Variants in TNRC6B observed in about 807,000 individuals in gnomAD.
TNRC6B encodes the protein trinucleotide repeat-containing gene 6B protein.
Under a neutral mutation model 203.6 loss-of-function variants are expected in TNRC6B, and 52 were observed. That is an observed-to-expected ratio of 0.26 (90% CI 0.20 to 0.32). TNRC6B has a LOEUF of 0.32. TNRC6B is among the 10% of genes least tolerant of loss of function. The pLI is 1.00. For synonymous variants in TNRC6B, 838 were observed against 845.7 expected (o/e 0.99, Z 0.16); for missense variants, 1,923 against 2,286.2 (o/e 0.84, Z 3.24).
chr22:40,204,330 T>C (rs1438594383), intron 1 of TNRC6B, among the ~76,000 whole-genome samples: 1 of 152,214 alleles, frequency 6.6e-6, no homozygotes, highest in Non-Finnish European at 1.5e-5. Flanking sequence ...TCACGGACCA[T>C]TGGGATAAAC....
intron 1 of TNRC6B, among the ~76,000 whole-genome samples, chr22:40,096,685 A>G (rs1668112165): frequency 6.6e-6 from 1 of 152,230 alleles, no homozygotes; most frequent in Admixed American, 6.5e-5. Flanking sequence ...GTTACATACT[A>G]TGCCAGATAT....
chr22:40,279,539 T>C (rs1244800291), intron 9 of TNRC6B, among the ~76,000 whole-genome samples: 2 of 152,232 alleles, frequency 1.3e-5, no homozygotes, highest in Non-Finnish European at 2.9e-5. Flanking sequence ...CTCTTTGATC[T>C]TTTTATTCCT....
rs2044014490 is a variant in TNRC6B at position 40,334,619 on chromosome 22, C to T, written c.*11378C>T. ...GAGATATAAATGCTGCTTTGGGTTC[C>T]ATAATCCTAGGGGGCTATGTTTACA... is the stretch of plus-strand genomic sequence containing the variant. On this transcript the variant is annotated 3_prime_UTR_variant, in exon 23 of 23. Coordinates refer to ENST00000454349, the MANE Select transcript of TNRC6B (RefSeq NM_001162501.2). 6.6e-6 allele frequency: 1 copy of T among 152,556 alleles called. No individual in the cohort carries two copies. Among genetic ancestry groups the T allele is most frequent in the Non-Finnish European group, 1.5e-5 (1 of 68,030 alleles). 9.5% of individuals were successfully genotyped at this position (152,556 alleles called of 1,614,324 possible).
intron 1 of TNRC6B, among the ~76,000 whole-genome samples, chr22:40,202,744 G>A (rs2069430350): frequency 6.6e-6 from 1 of 152,080 alleles, no homozygotes; most frequent in African/African-American, 2.4e-5. Context: ...TCGAGTGCCT[G>A]CTGGAAGAGG....
chr22:40,140,721 A>G (rs1312057043), intron 3 of TNRC6B, among the ~76,000 whole-genome samples: 1 of 151,712 alleles, frequency 6.6e-6, no homozygotes, highest in Admixed American at 6.6e-5. Context: ...GCTCACTGCA[A>G]CCTCTGTCTC....
At chr22:40,312,699 T>C (rs1384749423) in intron 18 of TNRC6B, 48 bp downstream of exon 18, 1 of 1,572,596 alleles carries the variant, frequency 6.4e-7, no homozygotes, top group Non-Finnish European at 8.6e-7. Context: ...AGCATTTTCA[T>C]AGTTGTCAGT....
intron 1 of TNRC6B, among the ~76,000 whole-genome samples, chr22:40,199,732 C>T (rs181101755): frequency 9.1e-4 from 139 of 152,106 alleles, no homozygotes; most frequent in Non-Finnish European, 5.6e-4. Flanking sequence ...AATGTATCAG[C>T]GTTAATGTTC....
rs906668252 is a variant in TNRC6B at position 40,270,105 on chromosome 22, A to G, written c.2807-17A>G. ...CATTTAACAAATGATTCTTAGAGAC[A>G]TTTCCTTTCTTTATAGTCTGGAGCA... On this transcript the variant is annotated splice_polypyrimidine_tract_variant and intron_variant, in intron 5 of 22. Coordinates refer to ENST00000454349, the MANE Select transcript of TNRC6B (RefSeq NM_001162501.2). The G allele has an allele frequency of 7.0e-6, 11 of 1,573,736 alleles. No homozygotes were observed. Among genetic ancestry groups the G allele is most frequent in the African/African-American group, 2.7e-5 (2 of 74,004 alleles).
upstream of TNRC6B, among the ~76,000 whole-genome samples, chr22:40,176,611 A>G (rs573369714): frequency 3.3e-5 from 5 of 152,202 alleles, no homozygotes; most frequent in African/African-American, 9.6e-5. Context: ...TTATTCATTT[A>G]TTTACCTCCT....
At chr22:40,099,563 A>G (rs79210904) in intron 1 of TNRC6B, among the ~76,000 whole-genome samples, 1,910 of 152,264 alleles carry the variant, frequency 0.013, 46 homozygotes, top group African/African-American at 0.043. Flanking sequence ...TTGAACACAT[A>G]TAGACTATTT....
At chr22:40,139,563 A>C (rs1401864414) in intron 3 of TNRC6B, among the ~76,000 whole-genome samples, 2 of 151,960 alleles carry the variant, frequency 1.3e-5, no homozygotes, top group Non-Finnish European at 2.9e-5. Context: ...AACTCCTGAC[A>C]TCAGGTGATC....
chr22:40,285,181 G>A (rs1215091424), intron 11 of TNRC6B, among the ~76,000 whole-genome samples: 1 of 152,124 alleles, frequency 6.6e-6, no homozygotes, highest in African/African-American at 2.4e-5. Context: ...AGGGTGCTAG[G>A]CTCACTCTTG....
Position 40,326,619 on chromosome 22 carries a change from C to T in TNRC6B, c.*3378C>T, listed in dbSNP as rs190843530. The T allele has an allele frequency of 1.3e-5, 2 of 152,446 alleles. No homozygotes were observed. Among genetic ancestry groups the T allele is most frequent in the Admixed American group, 1.3e-4 (2 of 15,282 alleles). 9.4% of individuals were successfully genotyped at this position (152,446 alleles called of 1,614,324 possible). A position where few individuals can be genotyped will look rare whatever the true frequency, so the allele number is the denominator to read the frequency against. The stretch of plus-strand genomic sequence containing the variant: ...TTTATTTTTTTAAAGGAACCCTTCT[C>T]CTTGTCCCCACAACCCCAGCAACAA... On this transcript the variant is annotated 3_prime_UTR_variant, in exon 23 of 23. Coordinates refer to ENST00000454349, the MANE Select transcript of TNRC6B (RefSeq NM_001162501.2).
chr22:40,088,691 G>T (rs1349952231), intron 1 of TNRC6B, among the ~76,000 whole-genome samples: 1 of 151,154 alleles, frequency 6.6e-6, no homozygotes, highest in Admixed American at 6.6e-5. Flanking sequence ...CTGACCTCAG[G>T]TGATCCACCC....
At chr22:40,146,870 A>G (rs569530294) in intron 3 of TNRC6B, among the ~76,000 whole-genome samples, 7 of 152,264 alleles carry the variant, frequency 4.6e-5, no homozygotes, top group Admixed American at 2.6e-4. Flanking sequence ...CGAACAAGAA[A>G]CGTTTTCTAA....
At chr22:40,238,948 A>G (rs1354813480) in intron 1 of TNRC6B, among the ~76,000 whole-genome samples, 1 of 151,736 alleles carries the variant, frequency 6.6e-6, no homozygotes, top group Admixed American at 6.6e-5. Flanking sequence ...CACGCCTGTA[A>G]TCCTAGCACT....
intron 1 of TNRC6B, among the ~76,000 whole-genome samples, chr22:40,100,984 T>C (rs898815878): frequency 7.1e-6 from 1 of 139,872 alleles, no homozygotes; most frequent in Non-Finnish European, 1.5e-5. Context: ...CATTGCTTTC[T>C]CTTCAGCATT....
At chr22:40,194,777 G>C (rs2069315586) in intron 1 of TNRC6B, among the ~76,000 whole-genome samples, 2 of 152,192 alleles carry the variant, frequency 1.3e-5, no homozygotes, top group Non-Finnish European at 2.9e-5. Flanking sequence ...GAGAAGAAAA[G>C]CCAGAGTGGC....
rs1258066526 is a variant in TNRC6B, at chr22:40,244,752, A to C, written c.6-1263A>C. On this transcript the variant is annotated intron_variant, in intron 1 of 22. Transcript: ENST00000454349. ...TGAGGCCCTGGGAACTAGATCTTTA[A>C]GTCTCCTTCCAGCGATGAAATTCCA... Among the ~76,000 whole-genome samples the C allele has an allele frequency of 2.0e-5, 3 of 152,166 alleles. No individual in the cohort carries two copies. In the East Asian group the frequency reaches 5.8e-4, roughly 29 times the overall value.
Sources: allele counts gnomAD v4.1 joint callset (sites outside exome capture counted in the v4.1 genomes callset), GRCh38; gene constraint gnomAD v4.1.1; transcripts MANE v1.5; gene names NCBI Gene and HGNC (gene_info 2026-07-23, HGNC 2026-07-21).